BBX: variants seen among roughly 807,000 people sequenced by gnomAD.
BBX encodes the protein HMG box transcription factor BBX.
Under a neutral mutation model 100.2 loss-of-function variants are expected in BBX, and 30 were observed. That is an observed-to-expected ratio of 0.30 (90% CI 0.22 to 0.41). The LOEUF (loss-of-function observed/expected upper bound fraction) is 0.41, where lower values mean the gene tolerates loss of function less well. Ranked by LOEUF, BBX falls within the 10% of genes least tolerant of loss-of-function variation. The pLI, the probability that BBX is intolerant of heterozygous loss-of-function variation, is 1.00. For missense variants in BBX, 1,023 were observed against 1,129.8 expected, an observed-to-expected ratio of 0.91 and a Z score of 1.35; for synonymous variants, 376 against 388.1, an observed-to-expected ratio of 0.97 and a Z score of 0.37.
At chr3:107,578,930 T>C (rs1286168747) in intron 2 of BBX, among the ~76,000 whole-genome samples, 1 of 152,130 alleles carries the variant, frequency 6.6e-6, no homozygotes, top group East Asian at 1.9e-4. Context: ...GGGTGAGTTA[T>C]TCTTGAGGCA....
chr3:107,739,685 C>G (rs2063922626), intron 7 of BBX, among the ~76,000 whole-genome samples: 1 of 152,162 alleles, frequency 6.6e-6, no homozygotes, highest in Non-Finnish European at 1.5e-5. Flanking sequence ...GGGTGGAGAG[C>G]AGGAAGATAA....
At chr3:107,616,026 TTTTTTTTTTTTTTTTTG>T in intron 2 of BBX, among the ~76,000 whole-genome samples, 3 of 137,424 alleles carry the variant, frequency 2.2e-5, no homozygotes, top group South Asian at 2.4e-4. Flanking sequence ...TTTTTTTTTT[TTTTTTTTTTTTTTTTTG>T]CTGTTGTTGT....
chr3:107,583,404 C>T (rs935315417), intron 2 of BBX, among the ~76,000 whole-genome samples: 3 of 151,790 alleles, frequency 2.0e-5, no homozygotes, highest in Admixed American at 6.6e-5. Flanking sequence ...TTGGAGTAAT[C>T]GATACCTTAT....
At chr3:107,755,824 T>C in intron 10 of BBX, 146 bp downstream of exon 10, 1 of 733,972 alleles carries the variant, frequency 1.4e-6, no homozygotes, top group East Asian at 2.6e-5. Context: ...GGTTAACCTT[T>C]AATTTGGGAA....
rs374255286 is a variant in BBX at position 107,801,234 on chromosome 3, T to C, written c.2691T>C (p.Phe897=). Residue 897 remains phenylalanine, a synonymous_variant, in exon 17 of 18, where the codon TTT becomes TTC. Coordinates refer to ENST00000325805, the MANE Select transcript of BBX (RefSeq NM_001142568.3). ...AAATGCCTGCCGTGTCTGCGTTCTT[T>C]AGCCTCGCTGCGCTGGCTGAAGTGG... is the stretch of plus-strand genomic sequence containing the variant. The part of the protein sequence containing the change: ...TPEMPAVSAF[F]SLAALAEVAA... The C allele has an allele frequency of 7.4e-6, 12 of 1,614,054 alleles. No homozygotes were observed. The East Asian group carries it at 2.2e-4, about 30-fold the overall frequency.
intron 10 of BBX, among the ~76,000 whole-genome samples, chr3:107,763,085 A>ATCC (rs2066029501): frequency 6.6e-6 from 1 of 152,216 alleles, no homozygotes; most frequent in Non-Finnish European, 1.5e-5. Flanking sequence ...TCCCTAAGAT[A>ATCC]TGTCATTATG....
chr3:107,569,389 A>AT (rs1163615707), intron 2 of BBX, among the ~76,000 whole-genome samples: 1 of 151,064 alleles, frequency 6.6e-6, no homozygotes, highest in East Asian at 1.9e-4. Context: ...TTTATTTTTT[A>AT]TTTTTTTAAT....
intron 2 of BBX, among the ~76,000 whole-genome samples, chr3:107,558,659 C>T (rs1209545486): frequency 2.0e-5 from 3 of 152,138 alleles, no homozygotes; most frequent in Non-Finnish European, 4.4e-5. Context: ...ATCACAGCAT[C>T]TGGGCAGTGG....
intron 10 of BBX, among the ~76,000 whole-genome samples, chr3:107,759,820 A>G (rs2065756304): frequency 1.3e-5 from 2 of 152,202 alleles, no homozygotes; most frequent in Non-Finnish European, 2.9e-5. Flanking sequence ...TTAAAGTGTG[A>G]CTAGAGGCTG....
chr3:107,780,211 T>C (rs1343085790), intron 13 of BBX, among the ~76,000 whole-genome samples: 1 of 152,000 alleles, frequency 6.6e-6, no homozygotes, highest in Non-Finnish European at 1.5e-5. Context: ...AATTCTTGGA[T>C]TTAAAGTTGC....
At position 107,644,063 on chromosome 3, in the gene BBX, A is replaced by G. The variant is rs2057377317; in HGVS notation, c.-83-1773A>G. Among the ~76,000 whole-genome samples the G allele has an allele frequency of 2.0e-5, 3 of 152,172 alleles. No homozygotes were observed. In the South Asian group the frequency reaches 6.2e-4, roughly 32 times the overall value. ...TACTTTATCTATAGATAGTTGCATCATGGGTAATAAATTATTGAACAGTTA... is the reference window on the plus strand; with the variant it reads ...TACTTTATCTATAGATAGTTGCATCGTGGGTAATAAATTATTGAACAGTTA... On this transcript the variant is annotated intron_variant, in intron 2 of 17. Transcript: ENST00000325805.
intron 3 of BBX, among the ~76,000 whole-genome samples, chr3:107,705,125 C>A (rs902952519): frequency 6.6e-6 from 1 of 152,068 alleles, no homozygotes; most frequent in Non-Finnish European, 1.5e-5. Context: ...AGAGTTTCCA[C>A]TATGTTACAG....
intron 2 of BBX, among the ~76,000 whole-genome samples, chr3:107,527,519 G>C (rs2047864936): frequency 6.6e-6 from 1 of 152,156 alleles, no homozygotes; most frequent in Non-Finnish European, 1.5e-5. Flanking sequence ...CTTTCTGGTA[G>C]TGTCCATTTG....
intron 2 of BBX, among the ~76,000 whole-genome samples, chr3:107,638,846 A>C (rs1008270850): frequency 4.9e-5 from 7 of 141,780 alleles, no homozygotes; most frequent in South Asian, 2.3e-4. Flanking sequence ...CAAATTAGCC[A>C]GGTCTGGTGG....
At chr3:107,764,691 A>G (rs2066229418) in intron 10 of BBX, among the ~76,000 whole-genome samples, 1 of 152,256 alleles carries the variant, frequency 6.6e-6, no homozygotes, top group Non-Finnish European at 1.5e-5. Context: ...TAATATTAGA[A>G]GAATAAATTG....
chr3:107,791,363 G>GT (rs1341445993), intron 15 of BBX, 64 bp downstream of exon 15: 2 of 1,306,348 alleles, frequency 1.5e-6, no homozygotes, highest in Non-Finnish European at 2.2e-6. Flanking sequence ...AGTTGTATAG[G>GT]TTTTTAAAAG....
chr3:107,581,834 A>T (rs962297256), intron 2 of BBX, among the ~76,000 whole-genome samples: 4 of 152,168 alleles, frequency 2.6e-5, no homozygotes, highest in African/African-American at 7.2e-5. Flanking sequence ...TAGTTGGCTG[A>T]TATTTTTAGA....
At chr3:107,595,761 T>C (rs2107604714) in intron 2 of BBX, among the ~76,000 whole-genome samples, 1 of 152,300 alleles carries the variant, frequency 6.6e-6, no homozygotes, top group South Asian at 2.1e-4. Context: ...TCTCTAAAAA[T>C]AAATTTCACA....
intron 3 of BBX, among the ~76,000 whole-genome samples, chr3:107,680,793 C>T (rs999109392): frequency 2.6e-5 from 4 of 152,192 alleles, no homozygotes; most frequent in Non-Finnish European, 4.4e-5. Context: ...TTCAGATTTA[C>T]AATTCCATGT....
Sources: allele counts gnomAD v4.1 joint callset (sites outside exome capture counted in the v4.1 genomes callset), GRCh38; gene constraint gnomAD v4.1.1; transcripts MANE v1.5; gene names NCBI Gene and HGNC (gene_info 2026-07-23, HGNC 2026-07-21).